The following PCDHA2 variants were observed in gnomAD, a reference collection of about 807,000 sequenced individuals.
PCDHA2 encodes the protein protocadherin alpha 2.
Under a neutral mutation model 66.0 loss-of-function variants are expected in PCDHA2, and 58 were observed. The ratio of observed to expected loss-of-function variants is 0.88; its 90% CI spans 0.71 to 1.09. The LOEUF is 1.09. Ranked by LOEUF, PCDHA2 falls within the 50% of genes least tolerant of loss-of-function variation. PCDHA2 has a pLI of 0.00. For synonymous variants in PCDHA2, 634 were observed against 554.0 expected (o/e 1.14, Z -2.03); for missense variants, 1,267 against 1,242.3 (o/e 1.02, Z -0.30).
chr5:140,818,677 A>G lies in PCDHA2; in HGVS notation c.2388+21325A>G, dbSNP rs2150102036. 2.6e-5 allele frequency among the ~76,000 whole-genome samples: 4 copies of G among 152,324 alleles called. No homozygotes were observed. In the East Asian group the frequency reaches 7.7e-4, roughly 29 times the overall value. On this transcript the variant is annotated intron_variant, in intron 1 of 3. Transcript: ENST00000526136. ...TATAGGGAGACTCCATCTTTACAAA[A>G]AATGAAAAAAATTAGCTAGATGTGG...
intron 1 of PCDHA2, chr5:140,884,652 G>A (rs2060303446): frequency 6.2e-7 from 1 of 1,603,582 alleles, no homozygotes; most frequent in Non-Finnish European, 8.5e-7. Flanking sequence ...GACTCAGAAT[G>A]CTTGAAAGAG....
intron 1 of PCDHA2, among the ~76,000 whole-genome samples, chr5:140,797,973 C>T (rs1305206427): frequency 6.6e-6 from 1 of 152,172 alleles, no homozygotes; most frequent in African/African-American, 2.4e-5. Context: ...TTGCCTCAGC[C>T]TCCTTAGTAA....
At chr5:140,901,922 G>A (rs2068984254) in intron 1 of PCDHA2, among the ~76,000 whole-genome samples, 2 of 151,732 alleles carry the variant, frequency 1.3e-5, no homozygotes. Flanking sequence ...TCACTTCTTT[G>A]GTTAATTCCT....
At chr5:140,929,051 G>A (rs1398009156) in intron 1 of PCDHA2, 2 of 1,614,170 alleles carry the variant, frequency 1.2e-6, no homozygotes, top group South Asian at 1.1e-5. Flanking sequence ...AGCTGCTGTC[G>A]CTCTACAGAG....
chr5:140,822,883 C>G, intron 1 of PCDHA2: 4 of 1,614,246 alleles, frequency 2.5e-6, no homozygotes, highest in Non-Finnish European at 3.4e-6. Context: ...GGTCATTGCT[C>G]TGATCAGCGT....
chr5:140,967,793 G>A (rs1447753881), intron 1 of PCDHA2: 24 of 1,614,080 alleles, frequency 1.5e-5, no homozygotes, highest in Non-Finnish European at 1.9e-5. Flanking sequence ...CCGGGGTCCA[G>A]TGCCCATGGC....
At chr5:140,848,167 C>G (rs1554142004) in intron 1 of PCDHA2, 1 of 254,352 alleles carries the variant, frequency 3.9e-6, no homozygotes, top group African/African-American at 2.2e-5. Flanking sequence ...TAAGAAGGCT[C>G]CAGCAAGAGA....
In PCDHA2 at chr5:140,901,962, G is replaced by A. The variant is rs148280805; in HGVS notation, c.2389-76987G>A. The stretch of plus-strand genomic sequence containing the variant: ...ATATTTAGTTTTATTCGTGGCTATC[G>A]TAAATGGGATTACTTTTTAATTTCA... On this transcript the variant is annotated intron_variant, in intron 1 of 3. Coordinates refer to ENST00000526136, the MANE Select transcript of PCDHA2 (RefSeq NM_018905.3). Among the ~76,000 whole-genome samples, 1,226 of 152,004 alleles carry A rather than the reference G, an allele frequency of 8.1e-3. 6 individuals carry two copies. The highest frequency in any genetic ancestry group is 0.019 in the African/African-American group (785 of 41,468).
chr5:140,839,720 A>G (rs1398284509), intron 1 of PCDHA2, among the ~76,000 whole-genome samples: 1 of 152,072 alleles, frequency 6.6e-6, no homozygotes, highest in Admixed American at 6.6e-5. Context: ...AATTTAAATC[A>G]TTTCACAGAA....
chr5:140,822,718 T>C, intron 1 of PCDHA2: 1 of 1,611,984 alleles, frequency 6.2e-7, no homozygotes, highest in South Asian at 1.1e-5. Context: ...CTATAACTCA[T>C]ATGAAATTAA....
intron 3 of PCDHA2, among the ~76,000 whole-genome samples, chr5:141,003,426 C>T (rs1316658550): frequency 1.3e-5 from 2 of 152,144 alleles, no homozygotes; most frequent in African/African-American, 4.8e-5. Context: ...ATTCTTATGC[C>T]TCAGCCTCCC....
rs782417894 is a variant in PCDHA2, at chr5:140,795,837, T to G, written c.873T>G (p.Thr291=). ...GTGATGTGTCCTCCACTATACAGACTAAGTTTACCATAGATCCCATCTCAG... is the reference window on the plus strand; with the variant it reads ...GTGATGTGTCCTCCACTATACAGACGAAGTTTACCATAGATCCCATCTCAG... The part of the protein sequence containing the change: ...LGSDVSSTIQ[T]KFTIDPISGE... The change falls in exon 1 of 4, where the codon ACT becomes ACG. Residue 291 remains threonine (T), a synonymous_variant. Transcript: ENST00000526136. The G allele has an allele frequency of 6.2e-7, 1 of 1,613,880 alleles. No homozygotes were observed. The highest frequency in any genetic ancestry group is 1.1e-5 in the South Asian group (1 of 91,084).
intron 1 of PCDHA2, chr5:140,926,588 C>A: frequency 3.4e-6 from 1 of 293,528 alleles, no homozygotes; most frequent in Admixed American, 5.0e-5. Context: ...CTCTCGCGCC[C>A]GGGCGGGCGG....
At chr5:140,925,124 A>AGGAAGG (rs1554202565) in intron 1 of PCDHA2, among the ~76,000 whole-genome samples, 1 of 151,852 alleles carries the variant, frequency 6.6e-6, no homozygotes, top group South Asian at 2.1e-4. Context: ...GAAGGAAGGA[A>AGGAAGG]AAAAAATTTC....
chr5:140,801,665 C>T (rs781995261), intron 1 of PCDHA2: 3 of 1,614,094 alleles, frequency 1.9e-6, no homozygotes, highest in Admixed American at 3.3e-5. Context: ...CGCTAGAGGG[C>T]GCATCAGATG....
At chr5:140,830,506 AAC>A in intron 1 of PCDHA2, 2 of 1,430,724 alleles carry the variant, frequency 1.4e-6, no homozygotes, top group Non-Finnish European at 1.9e-6. Flanking sequence ...TTTCATAATT[AAC>A]AGTTAATTTT....
chr5:140,893,866 C>T (rs915926825), intron 1 of PCDHA2, among the ~76,000 whole-genome samples: 5 of 152,102 alleles, frequency 3.3e-5, no homozygotes, highest in African/African-American at 1.2e-4. Context: ...TAGAAACAAC[C>T]CAGATCCAAA....
chr5:140,955,505 C>T (rs1253768939), intron 1 of PCDHA2, among the ~76,000 whole-genome samples: 2 of 152,152 alleles, frequency 1.3e-5, no homozygotes, highest in African/African-American at 2.4e-5. Flanking sequence ...TGAAGAAAGA[C>T]GTGTTTGCTT....
intron 1 of PCDHA2, among the ~76,000 whole-genome samples, chr5:140,798,908 C>T (rs1762376007): frequency 6.6e-6 from 1 of 152,160 alleles, no homozygotes; most frequent in South Asian, 2.1e-4. Flanking sequence ...AATATATGTG[C>T]ATATTGATAA....
Sources: gnomAD v4.1 joint callset for allele counts (sites outside exome capture counted in the v4.1 genomes callset) on GRCh38, gnomAD v4.1.1 for gene constraint, MANE v1.5 for transcripts, NCBI Gene and HGNC (gene_info 2026-07-23, HGNC 2026-07-21) for gene names.